The following SLC9B1 variants were observed in gnomAD, a reference collection of about 807,000 sequenced individuals.
The protein encoded by SLC9B1 is sodium/hydrogen exchanger 9B1.
In SLC9B1, 32 loss-of-function variants were observed where a neutral mutation model predicts 51.7. That is an observed-to-expected ratio of 0.62 (90% CI 0.47 to 0.83). The LOEUF (loss-of-function observed/expected upper bound fraction) is 0.83, where lower values mean the gene tolerates loss of function less well. Among genes scored for constraint, SLC9B1 ranks in the 40% least tolerant of loss-of-function variants. The pLI is 0.00. For synonymous variants in SLC9B1, 145 were observed against 212.7 expected, an observed-to-expected ratio of 0.68 and a Z score of 2.77; for missense variants, 406 against 613.2, an observed-to-expected ratio of 0.66 and a Z score of 3.57.
At chr4:103,008,902 C>T (rs1361840128) in intron 1 of SLC9B1, among the ~76,000 whole-genome samples, 3 of 148,432 alleles carry the variant, frequency 2.0e-5, no homozygotes, top group African/African-American at 7.5e-5. Context: ...CGGGTTCAAG[C>T]GATTCTCCTG....
intron 1 of SLC9B1, among the ~76,000 whole-genome samples, chr4:103,000,818 T>A (rs770428356): frequency 6.6e-6 from 1 of 152,228 alleles, no homozygotes; most frequent in African/African-American, 2.4e-5. Flanking sequence ...GTGCAAGCTG[T>A]CAATGGATCT....
intron 1 of SLC9B1, among the ~76,000 whole-genome samples, chr4:103,004,152 G>A (rs935480807): frequency 1.3e-5 from 2 of 152,094 alleles, no homozygotes; most frequent in Non-Finnish European, 2.9e-5. Flanking sequence ...TGACATTCAG[G>A]AGAAAGTTGA....
intron 3 of SLC9B1, among the ~76,000 whole-genome samples, chr4:102,975,467 T>A (rs1318407810): frequency 2.0e-5 from 3 of 151,382 alleles, no homozygotes; most frequent in Non-Finnish European, 4.4e-5. Flanking sequence ...TAATTTCTGC[T>A]TTTATCTGAA....
chr4:102,974,348 A>G (rs1377366111), intron 3 of SLC9B1, among the ~76,000 whole-genome samples: 1 of 151,660 alleles, frequency 6.6e-6, no homozygotes, highest in African/African-American at 2.4e-5. Flanking sequence ...AAAACAAAAA[A>G]ACAATAGGCA....
intron 6 of SLC9B1, among the ~76,000 whole-genome samples, chr4:102,933,052 C>A (rs1469918180): frequency 6.6e-6 from 1 of 152,226 alleles, no homozygotes; most frequent in Non-Finnish European, 1.5e-5. Context: ...AATTTCGCCT[C>A]ATCTCTTCTA....
At chr4:102,891,871 C>T (rs1210685624) in intron 11 of SLC9B1, 3 of 152,128 alleles carry the variant, frequency 2.0e-5, no homozygotes, top group Non-Finnish European at 4.4e-5. Flanking sequence ...CTGTGACTCC[C>T]TCAACATCCG....
chr4:102,939,137 A>G (rs1437633789), intron 6 of SLC9B1, among the ~76,000 whole-genome samples: 1 of 151,454 alleles, frequency 6.6e-6, no homozygotes, highest in East Asian at 1.9e-4. Flanking sequence ...TAGCTAGACC[A>G]ATAAGGAAAA....
chr4:102,912,154 CTAAG>C (rs1487559257), intron 7 of SLC9B1: 2 of 152,316 alleles, frequency 1.3e-5, no homozygotes, highest in Admixed American at 1.3e-4. Flanking sequence ...AAAAAAAAGA[CTAAG>C]TGAGGTACAA....
chr4:102,946,917 A>G, intron 4 of SLC9B1, 128 bp from the exon 5 acceptor site: 1 of 707,564 alleles, frequency 1.4e-6, no homozygotes, highest in Non-Finnish European at 2.2e-6. Context: ...ACAAGCAAGT[A>G]GAGAAGGCAG....
intron 3 of SLC9B1, among the ~76,000 whole-genome samples, chr4:102,989,553 C>G (rs982545033): frequency 6.6e-6 from 1 of 151,706 alleles, no homozygotes; most frequent in African/African-American, 2.4e-5. Context: ...TTTCTAATCC[C>G]AAAAATTTAA....
intron 3 of SLC9B1, among the ~76,000 whole-genome samples, chr4:102,986,252 T>G (rs906082167): frequency 2.0e-5 from 2 of 101,234 alleles, no homozygotes; most frequent in East Asian, 2.7e-4. Flanking sequence ...AAGGCTGGTG[T>G]TGTTTTTTTT....
At chr4:102,979,569 C>T (rs1245688188) in intron 3 of SLC9B1, among the ~76,000 whole-genome samples, 1 of 152,106 alleles carries the variant, frequency 6.6e-6, no homozygotes. Context: ...ATGGAGAAGC[C>T]TTATGTTTAC....
chr4:102,979,257 A>G (rs1038261537), intron 3 of SLC9B1, among the ~76,000 whole-genome samples: 1 of 152,204 alleles, frequency 6.6e-6, no homozygotes, highest in African/African-American at 2.4e-5. Flanking sequence ...CCTCATAGTT[A>G]TTGAGCCATA....
intron 3 of SLC9B1, among the ~76,000 whole-genome samples, chr4:102,950,144 A>G (rs1011334246): frequency 1.6e-4 from 25 of 152,302 alleles, no homozygotes; most frequent in Middle Eastern, 3.4e-3. Context: ...AGAATTCACA[A>G]CCTTATTGAA....
intron 7 of SLC9B1, among the ~76,000 whole-genome samples, chr4:102,928,843 C>A (rs1736312871): frequency 6.6e-6 from 1 of 152,104 alleles, no homozygotes; most frequent in African/African-American, 2.4e-5. Context: ...CTGAGAGTCC[C>A]TGGAAAACAA....
At chr4:102,930,393 T>C (rs542980383) in intron 7 of SLC9B1, among the ~76,000 whole-genome samples, 1 of 152,328 alleles carries the variant, frequency 6.6e-6, no homozygotes, top group Admixed American at 6.5e-5. Flanking sequence ...TATTTCTCTA[T>C]ATGTTCAATT....
At chr4:102,899,374 G>A (rs1437156831), downstream of SLC9B1, among the ~76,000 whole-genome samples, 4 of 149,078 alleles carry the variant, frequency 2.7e-5, no homozygotes, top group Non-Finnish European at 5.9e-5. Flanking sequence ...ATCCTCTTGT[G>A]AATGTAAAAT....
In SLC9B1 at chr4:102,994,034, T is replaced by A. The variant is rs546387199; in HGVS notation, c.-1-2322A>T. ...GTGATGGGAGGGGCTGCCACAAAGG[T>A]CTCTGAAAATGCCCTGGAGACATTT... is the stretch of plus-strand genomic sequence containing the variant. On this transcript the variant is annotated intron_variant, in intron 1 of 11. Coordinates refer to ENST00000296422, the MANE Select transcript of SLC9B1 (RefSeq NM_139173.4). Among the ~76,000 whole-genome samples, 3 of 152,234 alleles carry A rather than the reference T, an allele frequency of 2.0e-5. No homozygotes were observed. The South Asian group carries it at 6.2e-4, about 32-fold the overall frequency.
At chr4:102,967,611 G>T (rs1738499248) in intron 3 of SLC9B1, among the ~76,000 whole-genome samples, 1 of 152,024 alleles carries the variant, frequency 6.6e-6, no homozygotes, top group Admixed American at 6.6e-5. Flanking sequence ...TCATTCTCAT[G>T]GTAACTAATC....
Sources: allele counts gnomAD v4.1 joint callset (sites outside exome capture counted in the v4.1 genomes callset), GRCh38; gene constraint gnomAD v4.1.1; transcripts MANE v1.5; gene names NCBI Gene and HGNC (gene_info 2026-07-23, HGNC 2026-07-21).